Variants in SUMF1 observed in about 807,000 individuals in gnomAD.
The protein encoded by SUMF1 is formylglycine-generating enzyme.
Under a neutral mutation model 47.6 loss-of-function variants are expected in SUMF1, and 48 were observed. That is an observed-to-expected ratio of 1.01 (90% CI 0.80 to 1.28). SUMF1 has a LOEUF of 1.28. Ranked by LOEUF, SUMF1 falls within the 50% of genes most tolerant of loss-of-function variation. The pLI, the probability that SUMF1 is intolerant of heterozygous loss-of-function variation, is 0.00. For synonymous variants in SUMF1, 230 were observed against 192.1 expected, an observed-to-expected ratio of 1.20 and a Z score of -1.63; for missense variants, 571 against 485.4, an observed-to-expected ratio of 1.18 and a Z score of -1.66.
chr3:4,324,675 T>C (rs1001831846), intron 8 of SUMF1, among the ~76,000 whole-genome samples: 2 of 152,092 alleles, frequency 1.3e-5, no homozygotes, highest in Non-Finnish European at 2.9e-5. Context: ...AGTAAACATG[T>C]GAAAAGAGGG....
intron 8 of SUMF1, among the ~76,000 whole-genome samples, chr3:4,345,144 A>G (rs1699349534): frequency 6.6e-6 from 1 of 152,232 alleles, no homozygotes; most frequent in Non-Finnish European, 1.5e-5. Context: ...TCCCCAACCT[A>G]GCAAGACAGG....
chr3:4,374,785 C>A (rs1248788855), intron 8 of SUMF1, among the ~76,000 whole-genome samples: 1 of 152,104 alleles, frequency 6.6e-6, no homozygotes, highest in South Asian at 2.1e-4. Flanking sequence ...GAGAAGCAAT[C>A]TGGGATTAAA....
chr3:4,457,640 G>A (rs1311134291), intron 1 of SUMF1, among the ~76,000 whole-genome samples: 5 of 152,112 alleles, frequency 3.3e-5, no homozygotes, highest in Non-Finnish European at 5.9e-5. Flanking sequence ...ACACAATGGA[G>A]AAAGGACAAT....
rs1001732098 is a variant in SUMF1 at position 4,467,099 on chromosome 3, A to G, written c.147T>C (p.Ser49=). ...GCCGCTGGGGCGTGCCGCAGCCGCAAGAACCCGCAAGGGACCCCGCGCCCG... is the reference window on the plus strand; with the variant it reads ...GCCGCTGGGGCGTGCCGCAGCCGCAGGAACCCGCAAGGGACCCCGCGCCCG... ...TGAGAGSLAG[S]CGCGTPQRPG... is the part of the protein sequence containing the mutation. Residue 49 remains serine (S), a synonymous_variant, in exon 1 of 9, where the codon TCT becomes TCC. Transcript: ENST00000272902. 5 of 1,562,348 alleles carry G rather than the reference A, an allele frequency of 3.2e-6. No homozygotes were observed. Among genetic ancestry groups the G allele is most frequent in the Non-Finnish European group, 4.3e-6 (5 of 1,154,648 alleles).
chr3:4,465,515 G>A (rs2079921586), intron 1 of SUMF1, among the ~76,000 whole-genome samples: 1 of 151,736 alleles, frequency 6.6e-6, no homozygotes, highest in Non-Finnish European at 1.5e-5. Context: ...AAGAGAGATT[G>A]ATTATCAATT....
At chr3:4,125,916 A>G (rs1247032380) in intron 8 of SUMF1, among the ~76,000 whole-genome samples, 4 of 151,960 alleles carry the variant, frequency 2.6e-5, no homozygotes, top group Non-Finnish European at 5.9e-5. Context: ...GGCTCAAGTG[A>G]TCCTCCCACA....
In SUMF1 at chr3:4,418,093, C is replaced by T. The variant is rs141017221; in HGVS notation, c.642G>A (p.Ala214=). The T allele has an allele frequency of 4.2e-4, 673 of 1,614,070 alleles. 2 individuals are homozygous for T. The African/African-American group carries it at 7.2e-3, about 17-fold the overall frequency. Residue 214 remains alanine, a synonymous_variant, in exon 5 of 9, where the codon GCG becomes GCA. Transcript: ENST00000272902. ...HPVLHVSWND[A]VAYCTWAGKR... ...TCCCTGCCCAAGTGCAGTAGGCAAC[C>T]GCATCATTCCAGGACACATGGAGAA...
chr3:4,393,363 C>T (rs1256717063), intron 7 of SUMF1, among the ~76,000 whole-genome samples: 1 of 152,088 alleles, frequency 6.6e-6, no homozygotes, highest in Middle Eastern at 3.2e-3. Flanking sequence ...GACAGGGTCT[C>T]CCTGTGTCAC....
intron 8 of SUMF1, among the ~76,000 whole-genome samples, chr3:4,218,899 A>G (rs964140473): frequency 6.6e-6 from 1 of 152,106 alleles, no homozygotes; most frequent in African/African-American, 2.4e-5. Context: ...GTTTTTCTTA[A>G]GCTTTTCTCA....
chr3:4,196,327 C>A (rs1307145782), intron 8 of SUMF1, among the ~76,000 whole-genome samples: 1 of 152,026 alleles, frequency 6.6e-6, no homozygotes, highest in Non-Finnish European at 1.5e-5. Flanking sequence ...AACCAAAATC[C>A]TACAAGTGAC....
rs1460261297 is a variant in SUMF1, at chr3:4,110,337, G to C, written c.1015-41592C>G. 2.6e-5 allele frequency among the ~76,000 whole-genome samples: 4 copies of C among 152,058 alleles called. No individual in the cohort carries two copies. In the South Asian group the frequency reaches 6.2e-4, roughly 24 times the overall value. The stretch of plus-strand genomic sequence containing the variant: ...TGTGAGGTATCAGTCTGCCACTACT[G>C]GGGGATGCCTCCTAGTTAGGCTACT... On this transcript the variant is annotated intron_variant and NMD_transcript_variant, in intron 8 of 12. Transcript: ENST00000448413.
At chr3:4,055,471 TTTTTA>T (rs1368799866) in intron 9 of SUMF1, among the ~76,000 whole-genome samples, 1 of 152,068 alleles carries the variant, frequency 6.6e-6, no homozygotes, top group East Asian at 1.9e-4. Context: ...ATCTGTTAAA[TTTTTA>T]TTTTATTTTA....
At chr3:4,210,184 T>G (rs1179591379) in intron 8 of SUMF1, among the ~76,000 whole-genome samples, 1 of 152,144 alleles carries the variant, frequency 6.6e-6, no homozygotes, top group Non-Finnish European at 1.5e-5. Flanking sequence ...TGTGAGCCAC[T>G]GTGCCCGGCC....
intron 8 of SUMF1, among the ~76,000 whole-genome samples, chr3:4,211,931 CA>C (rs1695807717): frequency 3.3e-5 from 5 of 152,322 alleles, no homozygotes; most frequent in Admixed American, 3.3e-4. Context: ...CAACCCCAGT[CA>C]GGGACTTACA....
chr3:4,461,516 T>C (rs1270439535), intron 1 of SUMF1, among the ~76,000 whole-genome samples: 2 of 152,240 alleles, frequency 1.3e-5, no homozygotes, highest in Non-Finnish European at 2.9e-5. Flanking sequence ...GCTGTGCCCA[T>C]TGTACCTAAT....
At position 4,417,120 on chromosome 3, in the gene SUMF1, T is replaced by C. The variant is rs757643924; in HGVS notation, c.840+8A>G. 2 of 1,613,516 alleles carry C rather than the reference T, an allele frequency of 1.2e-6. No individual in the cohort carries two copies. Among genetic ancestry groups the C allele is most frequent in the Non-Finnish European group, 1.7e-6 (2 of 1,179,560 alleles). ...CTGCCACCCTCCTGCAGAGGTCTCA[T>C]TACTCACAGGCGCAGTTCCTTGGAA... On this transcript the variant is annotated splice_region_variant and intron_variant, in intron 6 of 8. Transcript: ENST00000272902.
chr3:4,439,224 G>C (rs954883488), intron 3 of SUMF1, among the ~76,000 whole-genome samples: 4 of 152,098 alleles, frequency 2.6e-5, no homozygotes, highest in African/African-American at 4.8e-5. Context: ...AAAAAGAATA[G>C]CAAAGAAGTT....
At chr3:4,115,619 C>T (rs530864984) in intron 8 of SUMF1, among the ~76,000 whole-genome samples, 2 of 152,186 alleles carry the variant, frequency 1.3e-5, no homozygotes, top group African/African-American at 4.8e-5. Context: ...ACACCCGCAT[C>T]GCACCCTCTG....
intron 8 of SUMF1, among the ~76,000 whole-genome samples, chr3:4,290,897 T>C (rs974821681): frequency 1.6e-4 from 25 of 152,126 alleles, no homozygotes; most frequent in Non-Finnish European, 3.2e-4. Context: ...CCATGGTAGG[T>C]GCATTTACAA....
Sources: gnomAD v4.1 joint callset for allele counts (sites outside exome capture counted in the v4.1 genomes callset) on GRCh38, gnomAD v4.1.1 for gene constraint, MANE v1.5 for transcripts, NCBI Gene and HGNC (gene_info 2026-07-23, HGNC 2026-07-21) for gene names.